MED12L: variants seen among roughly 807,000 people sequenced by gnomAD.
MED12L encodes the protein mediator complex subunit 12L, also known as mediator of RNA polymerase II transcription subunit 12-like protein.
A neutral mutation model predicts 281.3 loss-of-function variants in MED12L; 60 were observed. The observed-to-expected ratio is 0.21, with a 90% CI of 0.17 to 0.26. The LOEUF (loss-of-function observed/expected upper bound fraction) is 0.26. Ranked by LOEUF, MED12L falls within the 10% of genes least tolerant of loss-of-function variation. The probability of loss-of-function intolerance (pLI) is 1.00; values close to 1 mark genes in which losing one functional copy is unlikely to be tolerated. For missense variants in MED12L, 2,146 were observed against 2,680.9 expected (o/e 0.80, Z 4.41); for synonymous variants, 974 against 987.2 (o/e 0.99, Z 0.25).
At chr3:151,229,473 A>ATTTT (rs59434401) in intron 16 of MED12L, among the ~76,000 whole-genome samples, 9 of 90,140 alleles carry the variant, frequency 1.0e-4, no homozygotes, top group Non-Finnish European at 1.9e-4. Context: ...TGCCCGGCTA[A>ATTTT]TTTTTTTTTT....
chr3:151,275,735 T>C (rs1741743303), intron 16 of MED12L, among the ~76,000 whole-genome samples: 1 of 152,198 alleles, frequency 6.6e-6, no homozygotes, highest in Non-Finnish European at 1.5e-5. Context: ...AAAGAGGGTT[T>C]TGGAGACCTG....
At chr3:151,403,634 A>AT (rs1715960437) in intron 39 of MED12L, among the ~76,000 whole-genome samples, 1 of 152,156 alleles carries the variant, frequency 6.6e-6, no homozygotes, top group African/African-American at 2.4e-5. Context: ...CATGTTTTGC[A>AT]TTAAATTACT....
At chr3:151,352,728 A>G (rs1753390268) in intron 17 of MED12L, among the ~76,000 whole-genome samples, 1 of 152,210 alleles carries the variant, frequency 6.6e-6, no homozygotes, top group South Asian at 2.1e-4. Context: ...CAGTTGAATG[A>G]TCAAAGTTCA....
At chr3:151,214,361 G>A in intron 16 of MED12L, 1 of 1,523,196 alleles carries the variant, frequency 6.6e-7, no homozygotes, top group Non-Finnish European at 9.0e-7. Flanking sequence ...GTGTGAACTG[G>A]TCACTCATAG....
chr3:151,399,401 T>A (rs764755498), intron 39 of MED12L, among the ~76,000 whole-genome samples: 6 of 152,266 alleles, frequency 3.9e-5, no homozygotes, highest in Non-Finnish European at 8.8e-5. Flanking sequence ...TCAAATGGTT[T>A]ACTTGTATAA....
chr3:151,164,139 G>A (rs1038419273), intron 9 of MED12L, 97 bp downstream of exon 9: 1 of 1,352,360 alleles, frequency 7.4e-7, no homozygotes, highest in Non-Finnish European at 1.0e-6. Flanking sequence ...CTAGATGCTT[G>A]GGTGCTATCC....
intron 16 of MED12L, among the ~76,000 whole-genome samples, chr3:151,255,191 C>T (rs1231418871): frequency 1.3e-5 from 2 of 152,058 alleles, no homozygotes; most frequent in East Asian, 3.9e-4. Context: ...TAAGAAGGAG[C>T]AATCTGAGGA....
At chr3:151,415,173 G>C (rs1467290257) in intron 42 of MED12L, among the ~76,000 whole-genome samples, 1 of 152,162 alleles carries the variant, frequency 6.6e-6, no homozygotes, top group Non-Finnish European at 1.5e-5. Flanking sequence ...TTTCTTATTA[G>C]ACCATATGTA....
At chr3:151,207,047 A>AT (rs879695592) in intron 16 of MED12L, among the ~76,000 whole-genome samples, 3,796 of 131,930 alleles carry the variant, frequency 0.029, 149 homozygotes, top group African/African-American at 0.09. Flanking sequence ...TAGCCATGTG[A>AT]TTTTTTTTTT....
At chr3:151,317,746 G>T (rs990023843) in intron 16 of MED12L, among the ~76,000 whole-genome samples, 1 of 151,670 alleles carries the variant, frequency 6.6e-6, no homozygotes, top group African/African-American at 2.4e-5. Context: ...CACTGCGCCC[G>T]GCCACTTTTT....
chr3:151,332,056 T>G (rs1265070878), intron 16 of MED12L, among the ~76,000 whole-genome samples: 1 of 152,204 alleles, frequency 6.6e-6, no homozygotes, highest in Non-Finnish European at 1.5e-5. Context: ...GCCACAATGT[T>G]TAATGGACTT....
intron 16 of MED12L, among the ~76,000 whole-genome samples, chr3:151,273,294 G>A (rs1201935244): frequency 6.8e-5 from 10 of 146,198 alleles, no homozygotes; most frequent in African/African-American, 2.3e-4. Context: ...GCAGTGGTGC[G>A]ATCTCAGCTC....
In MED12L at chr3:151,436,393, T is replaced by G; in HGVS notation, c.*3589T>G. 4.2e-6 allele frequency: 1 copy of G among 238,720 alleles called. No homozygotes were observed. Among genetic ancestry groups the G allele is most frequent in the Non-Finnish European group, 8.1e-6 (1 of 123,256 alleles). The allele number at this position is 238,720 out of a possible 1,614,324, so 14.8% of individuals were successfully genotyped here. A position where few individuals can be genotyped will look rare whatever the true frequency, so the allele number is the denominator to read the frequency against. ...AGAAGTTCATTTTTTTACTGAAAAA[T>G]TCAGGTACATTAGCCATTTGTTATT... On this transcript the variant is annotated 3_prime_UTR_variant, in exon 45 of 45. Coordinates refer to ENST00000687756, the MANE Select transcript of MED12L (RefSeq NM_001393769.1).
At chr3:151,173,002 C>G (rs978186660) in intron 11 of MED12L, among the ~76,000 whole-genome samples, 1 of 151,712 alleles carries the variant, frequency 6.6e-6, no homozygotes, top group East Asian at 1.9e-4. Flanking sequence ...GACTTGCTGT[C>G]ACTGAGAAGG....
At chr3:151,316,009 G>A (rs1748185710) in intron 16 of MED12L, among the ~76,000 whole-genome samples, 1 of 152,142 alleles carries the variant, frequency 6.6e-6, no homozygotes, top group Non-Finnish European at 1.5e-5. Flanking sequence ...TTTGAATGTG[G>A]AACAACAGTA....
intron 16 of MED12L, among the ~76,000 whole-genome samples, chr3:151,202,727 T>G (rs1448162935): frequency 1.3e-5 from 2 of 152,186 alleles, no homozygotes; most frequent in African/African-American, 2.4e-5. Flanking sequence ...GGAATCACAG[T>G]GGAATCTTCT....
intron 26 of MED12L, among the ~76,000 whole-genome samples, chr3:151,371,378 A>C (rs1363803981): frequency 6.6e-6 from 1 of 152,234 alleles, no homozygotes; most frequent in African/African-American, 2.4e-5. Flanking sequence ...TGCAGAATTT[A>C]GTCTTTTCTT....
intron 16 of MED12L, chr3:151,337,693 C>T: frequency 2.1e-6 from 2 of 971,388 alleles, no homozygotes; most frequent in Non-Finnish European, 3.0e-6. Context: ...TTGTAATCTT[C>T]TGTTTCTTTA....
chr3:151,218,656 C>T (rs566055115), intron 16 of MED12L, among the ~76,000 whole-genome samples: 2 of 151,770 alleles, frequency 1.3e-5, no homozygotes, highest in Non-Finnish European at 2.9e-5. Flanking sequence ...ATCACGAGGT[C>T]AGGAGATTGA....
Sources: allele counts gnomAD v4.1 joint callset (sites outside exome capture counted in the v4.1 genomes callset), GRCh38; gene constraint gnomAD v4.1.1; transcripts MANE v1.5; gene names NCBI Gene and HGNC (gene_info 2026-07-23, HGNC 2026-07-21).